Variants in ABTB3 observed in about 807,000 individuals in gnomAD.
ABTB3 encodes ankyrin repeat and BTB domain containing 3, also known as ankyrin repeat- and BTB/POZ domain-containing protein 3.
the ABTB3 span, among the ~76,000 whole-genome samples, chr12:107,468,527 G>A: frequency 1.3e-5 from 2 of 152,120 alleles, no homozygotes; most frequent in Admixed American, 1.3e-4. Context: ...AACAAACAAT[G>A]CTGCTTCAAA....
At chr12:107,595,928 T>A in the ABTB3 span, among the ~76,000 whole-genome samples, 1 of 152,034 alleles carries the variant, frequency 6.6e-6, no homozygotes, top group African/African-American at 2.4e-5. Flanking sequence ...GTAATATATA[T>A]AAGCATATGT....
the ABTB3 span, among the ~76,000 whole-genome samples, chr12:107,366,762 A>AAAAT: frequency 6.6e-6 from 1 of 152,212 alleles, no homozygotes; most frequent in African/African-American, 2.4e-5. Flanking sequence ...CTATCAACAG[A>AAAAT]AAATATATAT....
the ABTB3 span, among the ~76,000 whole-genome samples, chr12:107,421,362 G>C: frequency 5.3e-5 from 8 of 152,202 alleles, no homozygotes; most frequent in Non-Finnish European, 1.0e-4. Context: ...GGACTTCTCT[G>C]CTGGGACCTT....
the ABTB3 span, chr12:107,658,569 G>A: frequency 1.3e-5 from 2 of 152,620 alleles, no homozygotes; most frequent in African/African-American, 4.8e-5. Context: ...GCATTTGCAT[G>A]GGCCCGAACC....
chr12:107,657,378 C>A, the ABTB3 span: 1 of 776,558 alleles, frequency 1.3e-6, no homozygotes, highest in Non-Finnish European at 2.2e-6. Flanking sequence ...TGGGTGTGTG[C>A]TGGGGAATCA....
chr12:107,514,399 C>A, the ABTB3 span, among the ~76,000 whole-genome samples: 1 of 152,216 alleles, frequency 6.6e-6, no homozygotes, highest in Admixed American at 6.5e-5. Flanking sequence ...TTCAGGGAGA[C>A]CGTGACCCTC....
At chr12:107,628,592 G>T in the ABTB3 span, among the ~76,000 whole-genome samples, 6 of 152,064 alleles carry the variant, frequency 3.9e-5, no homozygotes, top group Non-Finnish European at 1.5e-5. Context: ...AGATAGATGT[G>T]TACATTTAAT....
At chr12:107,373,205 C>T in the ABTB3 span, among the ~76,000 whole-genome samples, 1 of 151,888 alleles carries the variant, frequency 6.6e-6, no homozygotes, top group African/African-American at 2.4e-5. Context: ...CATTGGCTGG[C>T]GGTGCTCCTA....
the ABTB3 span, among the ~76,000 whole-genome samples, chr12:107,327,757 A>G: frequency 6.6e-6 from 1 of 152,218 alleles, no homozygotes; most frequent in Non-Finnish European, 1.5e-5. Flanking sequence ...TTCTGGAACT[A>G]AGTTCTATAT....
chr12:107,509,193 A>G, the ABTB3 span, among the ~76,000 whole-genome samples: 1 of 152,208 alleles, frequency 6.6e-6, no homozygotes, highest in Non-Finnish European at 1.5e-5. Context: ...AGTTGCAATG[A>G]TAATGCAAGA....
At chr12:107,636,054 C>T in the ABTB3 span, among the ~76,000 whole-genome samples, 2 of 152,270 alleles carry the variant, frequency 1.3e-5, no homozygotes, top group Non-Finnish European at 1.5e-5. Flanking sequence ...TCAGGCCACC[C>T]CAAGAGGCAG....
the ABTB3 span, among the ~76,000 whole-genome samples, chr12:107,443,957 C>T: frequency 6.6e-6 from 1 of 152,162 alleles, no homozygotes; most frequent in African/African-American, 2.4e-5. Context: ...GACAGGGTCA[C>T]CTAGATGAGG....
the ABTB3 span, among the ~76,000 whole-genome samples, chr12:107,557,840 C>T: frequency 5.9e-5 from 9 of 152,222 alleles, no homozygotes; most frequent in Non-Finnish European, 1.2e-4. Context: ...CACAGGGATT[C>T]AGGCCCAGCA....
At chr12:107,491,624 A>T in the ABTB3 span, among the ~76,000 whole-genome samples, 1 of 152,124 alleles carries the variant, frequency 6.6e-6, no homozygotes, top group Admixed American at 6.5e-5. Context: ...GGAGTTTGAG[A>T]CCAGCCTGGC....
At chr12:107,533,287 G>C in the ABTB3 span, among the ~76,000 whole-genome samples, 2 of 152,092 alleles carry the variant, frequency 1.3e-5, no homozygotes, top group Non-Finnish European at 2.9e-5. Flanking sequence ...TAACAACCTT[G>C]AATGTAAATA....
chr12:107,540,355 C>T, the ABTB3 span, among the ~76,000 whole-genome samples: 12 of 152,112 alleles, frequency 7.9e-5, no homozygotes, highest in South Asian at 4.2e-4. Flanking sequence ...TTGTTCTATC[C>T]AGGCCTCGGC....
At chr12:107,379,134 C>T in the ABTB3 span, among the ~76,000 whole-genome samples, 1 of 152,302 alleles carries the variant, frequency 6.6e-6, no homozygotes, top group East Asian at 1.9e-4. Flanking sequence ...TAATAGTAAA[C>T]TCCCATAGGG....
At chr12:107,388,792 A>G in the ABTB3 span, among the ~76,000 whole-genome samples, 4 of 152,230 alleles carry the variant, frequency 2.6e-5, no homozygotes, top group Admixed American at 6.5e-5. Flanking sequence ...AAGGGTTTGC[A>G]CAGTGTCTTA....
the ABTB3 span, among the ~76,000 whole-genome samples, chr12:107,643,034 C>T: frequency 6.6e-6 from 1 of 152,166 alleles, no homozygotes; most frequent in African/African-American, 2.4e-5. Flanking sequence ...CCTCCAGGCA[C>T]ATGAAGGCTG....
Sources: allele counts gnomAD v4.1 joint callset (sites outside exome capture counted in the v4.1 genomes callset), GRCh38; gene constraint gnomAD v4.1.1; transcripts MANE v1.5; gene names NCBI Gene and HGNC (gene_info 2026-07-23, HGNC 2026-07-21).